The following MSRA variants were observed in gnomAD, a reference collection of about 807,000 sequenced individuals.
MSRA encodes methionine sulfoxide reductase A, also known as mitochondrial peptide methionine sulfoxide reductase.
MSRA carries 54 observed loss-of-function variants against 31.3 expected under a neutral mutation model. The ratio of observed to expected loss-of-function variants is 1.73; its 90% CI spans 1.39 to 2.17. MSRA has a LOEUF of 2.17. MSRA is among the 30% of genes most tolerant of loss of function. MSRA has a pLI of 0.00. For missense variants in MSRA, 507 were observed against 300.9 expected, an observed-to-expected ratio of 1.69 and a Z score of -5.07; for synonymous variants, 169 against 116.5, an observed-to-expected ratio of 1.45 and a Z score of -2.90.
At chr8:10,130,897 C>G (rs929417208) in intron 1 of MSRA, among the ~76,000 whole-genome samples, 1 of 152,172 alleles carries the variant, frequency 6.6e-6, no homozygotes, top group Non-Finnish European at 1.5e-5. Context: ...GTTTTAGATG[C>G]CACAGATGCT....
intron 3 of MSRA, among the ~76,000 whole-genome samples, chr8:10,259,474 A>G (rs1563279659): frequency 6.6e-6 from 1 of 151,954 alleles, no homozygotes; most frequent in Non-Finnish European, 1.5e-5. Context: ...GTGTGTAGGG[A>G]CCCGTGACAT....
chr8:10,348,646 G>T (rs1221147076), intron 5 of MSRA, among the ~76,000 whole-genome samples: 1 of 152,138 alleles, frequency 6.6e-6, no homozygotes, highest in Non-Finnish European at 1.5e-5. Flanking sequence ...GGGATTACAG[G>T]TGTGAGCCAC....
At chr8:10,114,198 CATTTT>C (rs764456790) in intron 1 of MSRA, among the ~76,000 whole-genome samples, 13 of 152,128 alleles carry the variant, frequency 8.5e-5, no homozygotes, top group Non-Finnish European at 1.6e-4. Flanking sequence ...CATATTTTGA[CATTTT>C]ATTTATCCAT....
intron 1 of MSRA, among the ~76,000 whole-genome samples, chr8:10,095,128 G>T (rs1170042378): frequency 1.3e-5 from 2 of 152,198 alleles, no homozygotes; most frequent in Non-Finnish European, 2.9e-5. Flanking sequence ...AGTCTTTGCG[G>T]CAGGACAAGG....
chr8:10,289,391 A>G (rs1450623986), intron 3 of MSRA, among the ~76,000 whole-genome samples: 2 of 151,972 alleles, frequency 1.3e-5, no homozygotes, highest in Non-Finnish European at 2.9e-5. Context: ...CTTGTGTATC[A>G]AGATAGTGGG....
At chr8:10,079,392 C>T (rs1798168115) in intron 1 of MSRA, among the ~76,000 whole-genome samples, 1 of 152,056 alleles carries the variant, frequency 6.6e-6, no homozygotes, top group Admixed American at 6.6e-5. Flanking sequence ...TGGGCTCAAG[C>T]AATCTGCCTT....
intron 4 of MSRA, among the ~76,000 whole-genome samples, chr8:10,303,931 G>C (rs974651061): frequency 5.9e-5 from 9 of 152,088 alleles, no homozygotes; most frequent in African/African-American, 1.4e-4. Context: ...TTTTGTTTTT[G>C]TTTTTTATTT....
chr8:10,259,477 C>G (rs567486176), intron 3 of MSRA, among the ~76,000 whole-genome samples: 2 of 151,968 alleles, frequency 1.3e-5, no homozygotes, highest in Non-Finnish European at 2.9e-5. Context: ...TGTAGGGACC[C>G]GTGACATTCT....
chr8:10,165,820 C>T (rs965877611), intron 1 of MSRA, among the ~76,000 whole-genome samples: 3 of 152,154 alleles, frequency 2.0e-5, no homozygotes, highest in Non-Finnish European at 2.9e-5. Context: ...CAAATAAATG[C>T]TTCCTATGTG....
intron 2 of MSRA, among the ~76,000 whole-genome samples, chr8:10,230,632 C>T (rs1811380921): frequency 6.6e-6 from 1 of 152,134 alleles, no homozygotes; most frequent in Admixed American, 6.5e-5. Flanking sequence ...TTTTGAAAAA[C>T]TTCTTTTGAC....
At chr8:10,283,152 A>ACTCTCTCTCT (rs1441989703) in intron 3 of MSRA, among the ~76,000 whole-genome samples, 1 of 90,102 alleles carries the variant, frequency 1.1e-5, no homozygotes, top group Admixed American at 1.0e-4. Context: ...ACACACACAC[A>ACTCTCTCTCT]CACACACACT....
chr8:10,184,595 G>C (rs1479071937), intron 1 of MSRA, among the ~76,000 whole-genome samples: 2 of 151,998 alleles, frequency 1.3e-5, no homozygotes, highest in African/African-American at 4.8e-5. Flanking sequence ...ACATTTTTAA[G>C]GATGAAGGCA....
rs574042212 is a variant in MSRA at position 10,111,688 on chromosome 8, T to A, written c.142+57030T>A. 2.2e-4 allele frequency among the ~76,000 whole-genome samples: 34 copies of A among 152,344 alleles called. No individual in the cohort carries two copies. The South Asian group carries it at 6.6e-3, about 30-fold the overall frequency. On this transcript the variant is annotated intron_variant, in intron 1 of 5. Coordinates refer to ENST00000317173, the MANE Select transcript of MSRA (RefSeq NM_012331.5). The stretch of plus-strand genomic sequence containing the variant: ...AATGTTCTTGTTCATGTTATTGGGC[T>A]AGTATTGCATGAGAAGAGCAGTCAA...
chr8:10,417,803 C>G (rs1238147814), intron 5 of MSRA, among the ~76,000 whole-genome samples: 1 of 88,158 alleles, frequency 1.1e-5, no homozygotes, highest in African/African-American at 4.4e-5. Flanking sequence ...CGTGTGCACA[C>G]GCAGGACAAG....
intron 3 of MSRA, among the ~76,000 whole-genome samples, chr8:10,251,189 TG>T (rs1797898253): frequency 6.6e-6 from 1 of 151,286 alleles, no homozygotes. Flanking sequence ...TCCCCACTAA[TG>T]TAAGACAACT....
chr8:10,155,991 G>A (rs1181311982), intron 1 of MSRA, among the ~76,000 whole-genome samples: 1 of 152,164 alleles, frequency 6.6e-6, no homozygotes, highest in African/African-American at 2.4e-5. Context: ...GAGATTGGCC[G>A]TGACCTTAAT....
At chr8:10,397,205 G>T (rs1208890349) in intron 5 of MSRA, among the ~76,000 whole-genome samples, 7 of 152,190 alleles carry the variant, frequency 4.6e-5, no homozygotes, top group Admixed American at 1.3e-4. Flanking sequence ...TTATTTGTGT[G>T]AGCCATCTCT....
intron 1 of MSRA, among the ~76,000 whole-genome samples, chr8:10,192,297 G>A (rs1585133339): frequency 6.6e-6 from 1 of 152,186 alleles, no homozygotes; most frequent in Admixed American, 6.5e-5. Context: ...AGAATTTGTG[G>A]CTATACCTTT....
chr8:10,340,811 A>G (rs930469523), intron 5 of MSRA, among the ~76,000 whole-genome samples: 1 of 152,270 alleles, frequency 6.6e-6, no homozygotes, highest in African/African-American at 2.4e-5. Context: ...TAAAACCTGC[A>G]AAGGCATCAG....
Sources: gnomAD v4.1 joint callset for allele counts (sites outside exome capture counted in the v4.1 genomes callset) on GRCh38, gnomAD v4.1.1 for gene constraint, MANE v1.5 for transcripts, NCBI Gene and HGNC (gene_info 2026-07-23, HGNC 2026-07-21) for gene names.